Variants in CRLF1 observed in about 807,000 individuals in gnomAD.
The protein encoded by CRLF1 is cytokine receptor like factor 1.
Under a neutral mutation model 48.9 loss-of-function variants are expected in CRLF1, and 36 were observed. The ratio of observed to expected loss-of-function variants is 0.74; its 90% CI spans 0.56 to 0.97. The LOEUF (loss-of-function observed/expected upper bound fraction) is 0.97. Among genes scored for constraint, CRLF1 ranks in the 50% least tolerant of loss-of-function variants. CRLF1 has a pLI of 0.00. For synonymous variants in CRLF1, 256 were observed against 253.4 expected (o/e 1.01, Z -0.10); for missense variants, 534 against 575.1 (o/e 0.93, Z 0.73).
chr19:18,601,801 A>C (rs986450662), intron 1 of CRLF1, among the ~76,000 whole-genome samples: 2 of 152,146 alleles, frequency 1.3e-5, no homozygotes, highest in Non-Finnish European at 2.9e-5. Flanking sequence ...TAAAGATGAA[A>C]AAACTCCGGC....
At position 18,598,177 on chromosome 19, in the gene CRLF1, G is replaced by T. The variant is rs1004084; in HGVS notation, c.697+255C>A. The stretch of plus-strand genomic sequence containing the variant: ...CCTCCTGCACACCTGGGCTGCCGAG[G>T]GGGTGGTGGCCAGGCCAGGTGTTCT... On this transcript the variant is annotated intron_variant, in intron 4 of 8. Transcript: ENST00000392386. Among the ~76,000 whole-genome samples, 1,899 of 152,250 alleles carry T rather than the reference G, an allele frequency of 0.012. 244 individuals carry two copies. In the East Asian group the frequency reaches 0.3, roughly 24 times the overall value.
chr19:18,606,546 T>A lies in CRLF1; in HGVS notation c.111A>T (p.Gly37=). 8.7e-7 allele frequency: 1 copy of A among 1,148,672 alleles called. No individual in the cohort carries two copies. The highest frequency in any genetic ancestry group is 1.1e-6 in the Non-Finnish European group (1 of 935,842). The allele number at this position is 1,148,672 out of a possible 1,614,324, so 71.2% of individuals were successfully genotyped here. A position where few individuals can be genotyped will look rare whatever the true frequency, so the allele number is the denominator to read the frequency against. ...AGTGGGGCGCCGGGTACTCACGGGC[T>A]CCTGATCCGGCTCGCGGCGCCCCGA... The part of the protein sequence containing the change: ...CVLGAPRAGS[G]AHTAVISPQD... The change falls in exon 1 of 9, where the codon GGA becomes GGT. Residue 37 remains glycine (G), a synonymous_variant. Transcript: ENST00000392386. The surrounding 1 kb of genome is among the most constrained non-coding windows in gnomAD (Gnocchi z 4.8).
In CRLF1 at chr19:18,598,767, C is replaced by G. The variant is rs748847434; in HGVS notation, c.527+5G>C. The G allele has an allele frequency of 2.5e-6, 4 of 1,614,098 alleles. No individual in the cohort carries two copies. Among genetic ancestry groups the G allele is most frequent in the Non-Finnish European group, 3.4e-6 (4 of 1,180,000 alleles). ...CACACACATCGCCCTCAGGCCACCA[C>G]CAACCTAAGCTTGTACTTGAGGGAG... On this transcript the variant is annotated splice_donor_5th_base_variant and intron_variant, in intron 3 of 8. Transcript: ENST00000392386.
intron 1 of CRLF1, among the ~76,000 whole-genome samples, chr19:18,602,820 C>A (rs1454459575): frequency 3.3e-5 from 5 of 150,966 alleles, no homozygotes; most frequent in Middle Eastern, 3.4e-3. Context: ...CACTCTGTCA[C>A]CCAGGCTGGA....
chr19:18,593,715 C>G, intron 8 of CRLF1, 136 bp from the exon 9 acceptor site: 1 of 1,524,620 alleles, frequency 6.6e-7, no homozygotes, highest in Non-Finnish European at 8.8e-7. Context: ...TCCTGCCCCT[C>G]TCCGGGCCTT....
intron 1 of CRLF1, among the ~76,000 whole-genome samples, chr19:18,601,683 C>A (rs558680742): frequency 6.6e-6 from 1 of 152,318 alleles, no homozygotes; most frequent in South Asian, 2.1e-4. Flanking sequence ...GGATGACAGG[C>A]GTGAGTCATT....
Position 18,606,364 on chromosome 19 carries a change from G to A in CRLF1, c.115+178C>T, listed in dbSNP as rs956219345. On this transcript the variant is annotated intron_variant, in intron 1 of 8. Coordinates refer to ENST00000392386, the MANE Select transcript of CRLF1 (RefSeq NM_004750.5). The surrounding 1 kb of genome is among the most constrained non-coding windows in gnomAD (Gnocchi z 4.8). Reference sequence around the variant, plus strand: ...GCGCGGAAGCAGGACTCTCTGGACAGTGGACTGCGGCGCCGTGTGCCCCGC... The same window carrying A: ...GCGCGGAAGCAGGACTCTCTGGACAATGGACTGCGGCGCCGTGTGCCCCGC... Among the ~76,000 whole-genome samples the A allele has an allele frequency of 1.3e-5, 2 of 151,054 alleles. No individual in the cohort carries two copies. The highest frequency in any genetic ancestry group is 6.6e-5 in the Admixed American group (1 of 15,192).
intron 8 of CRLF1, 180 bp from the exon 9 acceptor site, chr19:18,593,759 G>A (rs1976088028): frequency 1.0e-6 from 1 of 984,802 alleles, no homozygotes; most frequent in South Asian, 4.7e-5. Context: ...TAAAGCACTT[G>A]GCGCGGAGCC....
chr19:18,599,090 G>A (rs1167317008), intron 2 of CRLF1, 189 bp from the exon 3 acceptor site: 1 of 985,174 alleles, frequency 1.0e-6, no homozygotes, highest in Non-Finnish European at 1.2e-6. Flanking sequence ...TTGAGAGGCT[G>A]GTGACTCGAT....
At position 18,594,065 on chromosome 19, in the gene CRLF1, C is replaced by T; in HGVS notation, c.1255G>A (p.Gly419Ser). Residue 419 changes from glycine to serine, a missense_variant and splice_region_variant, in exon 8 of 9, where the codon GGT (glycine) becomes AGT (serine). Gly to Ser is a moderately conservative substitution (Grantham distance 56). Around this residue, in one of 2 missense-constraint regions of CRLF1, gnomAD observed 528 missense variants for 555.7 expected, o/e 0.95. Coordinates refer to ENST00000392386, the MANE Select transcript of CRLF1 (RefSeq NM_004750.5). The stretch of plus-strand genomic sequence containing the variant: ...GCCCACCCATTCAGGCCCACCTTAC[C>T]TCTCGCCGTGCCCCGTCTGCCCGAG... ...LPSGRRGTAR[G>S]PAR is the part of the protein sequence containing the mutation. 1 of 1,042,870 alleles carries T rather than the reference C, an allele frequency of 9.6e-7. No individual in the cohort carries two copies. The allele number at this position is 1,042,870 out of a possible 1,614,324, so 64.6% of individuals were successfully genotyped here. A position where few individuals can be genotyped will look rare whatever the true frequency, so the allele number is the denominator to read the frequency against.
Position 18,596,915 on chromosome 19 carries a change from C to G in CRLF1, c.832G>C (p.Val278Leu). The G allele has an allele frequency of 6.2e-7, 1 of 1,614,136 alleles. No individual in the cohort carries two copies. The highest frequency in any genetic ancestry group is 8.5e-7 in the Non-Finnish European group (1 of 1,180,018). ...ACCTTCCAGTCCACACTGTCCTCCA[C>G]TCGGTAGCGGATCTGGTATTTGGCT... ...FQAKYQIRYR[V>L]EDSVDWKVVD... The change falls in exon 5 of 9, where the codon GTG (valine) becomes CTG (leucine). Residue 278 changes from valine (V) to leucine (L), a missense_variant. This residue lies in a region of CRLF1 where 528 missense variants were observed against 555.7 expected (regional missense o/e 0.95). Transcript: ENST00000392386.
At chr19:18,598,751 C>T (rs781096100) in intron 3 of CRLF1, 21 bp downstream of exon 3, 40 of 1,613,918 alleles carry the variant, frequency 2.5e-5, no homozygotes, top group Non-Finnish European at 3.3e-5. Context: ...ACACACACAT[C>T]GCCCTCAGGC....
intron 4 of CRLF1, 112 bp downstream of exon 4, chr19:18,598,320 G>A: frequency 8.3e-7 from 1 of 1,205,274 alleles, no homozygotes; most frequent in Admixed American, 2.2e-5. Context: ...GCCGGGCTGG[G>A]GAGGGGCAGG....
rs751257411 is a variant in CRLF1 at position 18,599,808 on chromosome 19, TGAG to T, written c.151_153del (p.Leu51del). The T allele has an allele frequency of 1.3e-6, 2 of 1,570,052 alleles. No individual in the cohort carries two copies. Among genetic ancestry groups the T allele is most frequent in the Admixed American group, 3.6e-5 (2 of 55,202 alleles). ...CAGGTGGCCAGCAGGGAGGAGCCGA[TGAG>T]AAGCGTGGGATCCTGGGGACTGATC... On this transcript the variant is annotated inframe_deletion, in exon 2 of 9. Coordinates refer to ENST00000392386, the MANE Select transcript of CRLF1 (RefSeq NM_004750.5).
chr19:18,600,454 C>T (rs1017467540), intron 1 of CRLF1, among the ~76,000 whole-genome samples: 7 of 151,920 alleles, frequency 4.6e-5, no homozygotes, highest in Non-Finnish European at 8.8e-5. Context: ...CTGCAAGCTC[C>T]GCCTCCCGGG....
chr19:18,598,516 TA>T lies in CRLF1; in HGVS notation c.612del (p.Phe204LeufsTer30), dbSNP rs1568441232. 6.2e-7 allele frequency: 1 copy of T among 1,613,716 alleles called. No individual in the cohort carries two copies. Among genetic ancestry groups the T allele is most frequent in the South Asian group, 1.1e-5 (1 of 91,054 alleles). On this transcript the variant is annotated frameshift_variant, in exon 4 of 9. Transcript: ENST00000392386. LOFTEE classifies it high-confidence loss of function. ...GCCTCCACCCAGATCTCATAGGGCGTAAAGAGAGCCAGGTCCTTGGGGATGT... is the reference window on the plus strand; with the variant it reads ...GCCTCCACCCAGATCTCATAGGGCGTAAGAGAGCCAGGTCCTTGGGGATGT... The part of the protein sequence containing the change: ...SCHIPKDLAL[F>X]TPYEIWVEAT...
intron 5 of CRLF1, 44 bp from the exon 6 acceptor site, chr19:18,596,834 A>G: frequency 6.2e-7 from 1 of 1,609,490 alleles, no homozygotes; most frequent in Non-Finnish European, 8.5e-7. Flanking sequence ...GGGGCCTAGC[A>G]GGAGCGGGGG....
chr19:18,599,465 A>G, intron 2 of CRLF1, 100 bp downstream of exon 2: 1 of 1,530,876 alleles, frequency 6.5e-7, no homozygotes, highest in Non-Finnish European at 9.0e-7. Flanking sequence ...GTGTGCCCAC[A>G]GCTCATCCCC....
At chr19:18,600,673 G>A (rs1976209879) in intron 1 of CRLF1, among the ~76,000 whole-genome samples, 1 of 151,950 alleles carries the variant, frequency 6.6e-6, no homozygotes, top group Non-Finnish European at 1.5e-5. Context: ...GCCAAGTTTT[G>A]TATTTTTAGT....
Sources: gnomAD v4.1 joint callset for allele counts (sites outside exome capture counted in the v4.1 genomes callset) on GRCh38, gnomAD v4.1.1 for gene constraint, gnomAD v4.1.1 regional missense constraint, Gnocchi (gnomAD v3.1) non-coding constraint, MANE v1.5 for transcripts, NCBI Gene and HGNC (gene_info 2026-07-23, HGNC 2026-07-21) for gene names.